The following DNAH11 variants were observed in gnomAD, a reference collection of about 807,000 sequenced individuals.
DNAH11 encodes dynein axonemal heavy chain 11.
DNAH11 carries 442 observed loss-of-function variants against 526.0 expected under a neutral mutation model. The observed-to-expected ratio is 0.84, with a 90% CI of 0.78 to 0.91. The LOEUF is 0.91. Ranked by LOEUF, DNAH11 falls within the 40% of genes least tolerant of loss-of-function variation. DNAH11 has a pLI of 0.00. For missense variants in DNAH11, 6,989 were observed against 5,448.7 expected, an observed-to-expected ratio of 1.28 and a Z score of -8.90; for synonymous variants, 2,461 against 1,935.9, an observed-to-expected ratio of 1.27 and a Z score of -7.12.
chr7:21,887,605 T>C (rs935621322), intron 76 of DNAH11, among the ~76,000 whole-genome samples: 2 of 152,216 alleles, frequency 1.3e-5, no homozygotes, highest in African/African-American at 4.8e-5. Context: ...ACAGGTTTGC[T>C]GTCAGGTTTA....
intron 65 of DNAH11, among the ~76,000 whole-genome samples, chr7:21,839,275 A>G (rs1050579254): frequency 1.3e-5 from 2 of 152,146 alleles, no homozygotes; most frequent in South Asian, 2.1e-4. Flanking sequence ...ATAAATCACT[A>G]TATTAAAAGT....
chr7:21,673,432 T>A (rs2128469927), intron 30 of DNAH11, among the ~76,000 whole-genome samples: 1 of 152,308 alleles, frequency 6.6e-6, no homozygotes, highest in East Asian at 1.9e-4. Flanking sequence ...CAGTCAGTGC[T>A]TTTATTATCT....
intron 66 of DNAH11, among the ~76,000 whole-genome samples, chr7:21,850,030 G>T (rs115561434): frequency 0.015 from 2,163 of 142,276 alleles, 63 homozygotes; most frequent in African/African-American, 0.053. Flanking sequence ...ACTGATTCTT[G>T]TCACTGTGTC....
Position 21,763,544 on chromosome 7 carries a change from C to T in DNAH11, c.8941-1884C>T, listed in dbSNP as rs148204114. ...CTGTGGAGAAATTGGAACCCTTGTA[C>T]ACTATTGGTGGGAATGTAAAATGCT... On this transcript the variant is annotated intron_variant, in intron 54 of 81. Transcript: ENST00000409508. Among the ~76,000 whole-genome samples the T allele has an allele frequency of 3.4e-3, 520 of 151,484 alleles. 4 individuals are homozygous for T. The highest frequency in any genetic ancestry group is 0.012 in the African/African-American group (499 of 41,284).
intron 31 of DNAH11, among the ~76,000 whole-genome samples, chr7:21,682,486 A>T (rs952984557): frequency 6.8e-6 from 1 of 146,438 alleles, no homozygotes; most frequent in Non-Finnish European, 1.5e-5. Flanking sequence ...AGATGGCGCC[A>T]CTGCACTCCA....
rs371332852 is a variant in DNAH11 at position 21,603,900 on chromosome 7, G to A, written c.3648+2282G>A. ...TTATATAAGTTTGGTTCACTCTTTC[G>A]GGTGATGGTAGTATTGAAAGCATTA... is the stretch of plus-strand genomic sequence containing the variant. On this transcript the variant is annotated intron_variant, in intron 18 of 81. Transcript: ENST00000409508. Among the ~76,000 whole-genome samples, 12 of 152,220 alleles carry A rather than the reference G, an allele frequency of 7.9e-5. No individual in the cohort carries two copies. In the East Asian group the frequency reaches 1.7e-3, roughly 22 times the overall value.
At chr7:21,895,167 T>G (rs991356029) in intron 79 of DNAH11, among the ~76,000 whole-genome samples, 168 bp downstream of exon 79, 2 of 152,216 alleles carry the variant, frequency 1.3e-5, no homozygotes, top group African/African-American at 4.8e-5. Flanking sequence ...CTTGGTATAT[T>G]GCATCAAAGG....
chr7:21,650,772 G>A (rs1048724562), intron 28 of DNAH11, among the ~76,000 whole-genome samples: 3 of 151,236 alleles, frequency 2.0e-5, no homozygotes, highest in South Asian at 4.2e-4. Context: ...CCAGAGTAGC[G>A]GGGATTACAG....
intron 28 of DNAH11, among the ~76,000 whole-genome samples, chr7:21,649,249 G>T (rs1169668075): frequency 1.3e-5 from 2 of 152,128 alleles, no homozygotes; most frequent in African/African-American, 4.8e-5. Flanking sequence ...TTCTAAATAG[G>T]AATATATCAT....
chr7:21,857,839 T>C (rs1342693066), intron 68 of DNAH11, among the ~76,000 whole-genome samples: 1 of 152,184 alleles, frequency 6.6e-6, no homozygotes, highest in Admixed American at 6.5e-5. Flanking sequence ...TTTATTAAGC[T>C]ATACATTTTC....
chr7:21,770,381 GACCCATT>G (rs1454348305), intron 55 of DNAH11, among the ~76,000 whole-genome samples: 3 of 152,172 alleles, frequency 2.0e-5, no homozygotes, highest in African/African-American at 4.8e-5. Context: ...TTTTGACTGT[GACCCATT>G]ACATGAGGTC....
chr7:21,685,354 T>C (rs1234614382), intron 32 of DNAH11, among the ~76,000 whole-genome samples: 1 of 152,170 alleles, frequency 6.6e-6, no homozygotes, highest in Non-Finnish European at 1.5e-5. Context: ...AAGTTTATCA[T>C]TATGTGAGGC....
Position 21,687,408 on chromosome 7 carries a change from G to A in DNAH11, c.5805G>A (p.Leu1935=). ...YKSIGNIYKG[L]VQTGAWGCFD... ...CCATAGGCAATATCTATAAGGGATT[G>A]GTGCAGACAGGAGCTTGGGGCTGCT... Residue 1935 remains leucine, a synonymous_variant, in exon 34 of 82, where the codon TTG becomes TTA. Coordinates refer to ENST00000409508, the MANE Select transcript of DNAH11 (RefSeq NM_001277115.2). 6.2e-7 allele frequency: 1 copy of A among 1,613,732 alleles called. No homozygotes were observed. The highest frequency in any genetic ancestry group is 8.5e-7 in the Non-Finnish European group (1 of 1,179,830).
chr7:21,644,471 T>C (rs987154128), intron 28 of DNAH11, among the ~76,000 whole-genome samples: 1 of 152,140 alleles, frequency 6.6e-6, no homozygotes, highest in Non-Finnish European at 1.5e-5. Context: ...TAAGAATGAA[T>C]GAGTTTTAGT....
In DNAH11 at chr7:21,589,432, A is replaced by T. The variant is rs777715592; in HGVS notation, c.2169+29A>T. The T allele has an allele frequency of 5.9e-6, 9 of 1,533,268 alleles. No homozygotes were observed. In the South Asian group the frequency reaches 7.3e-5, roughly 12 times the overall value. 95.0% of individuals were successfully genotyped at this position (1,533,268 alleles called of 1,614,324 possible). A position where few individuals can be genotyped will look rare whatever the true frequency, so the allele number is the denominator to read the frequency against. On this transcript the variant is annotated intron_variant, in intron 12 of 81. Coordinates refer to ENST00000409508, the MANE Select transcript of DNAH11 (RefSeq NM_001277115.2). ...GGGATTTGATTTTTTAAGATGATTT[A>T]TAAGTGCCCTTTTTATTATAAGCCT... is the stretch of plus-strand genomic sequence containing the variant.
chr7:21,862,665 A>G (rs1783110022), intron 69 of DNAH11, among the ~76,000 whole-genome samples: 1 of 152,238 alleles, frequency 6.6e-6, no homozygotes, highest in African/African-American at 2.4e-5. Flanking sequence ...TAAAATTAAG[A>G]AAATGACAGC....
intron 61 of DNAH11, among the ~76,000 whole-genome samples, chr7:21,792,196 C>G (rs1185797963): frequency 6.6e-6 from 1 of 151,988 alleles, no homozygotes; most frequent in East Asian, 1.9e-4. Flanking sequence ...GTTCTTTATT[C>G]TCTTAATGAG....
At chr7:21,708,561 G>A (rs906865389) in intron 40 of DNAH11, among the ~76,000 whole-genome samples, 1 of 152,142 alleles carries the variant, frequency 6.6e-6, no homozygotes, top group Non-Finnish European at 1.5e-5. Context: ...TTTCTAGTGG[G>A]TTCCAATCAC....
At chr7:21,769,934 C>T (rs2127976710) in intron 55 of DNAH11, among the ~76,000 whole-genome samples, 1 of 152,154 alleles carries the variant, frequency 6.6e-6, no homozygotes, top group South Asian at 2.1e-4. Context: ...TTGCCTCTGA[C>T]CAGTAGTTGA....
Sources: allele counts gnomAD v4.1 joint callset (sites outside exome capture counted in the v4.1 genomes callset), GRCh38; gene constraint gnomAD v4.1.1; transcripts MANE v1.5; gene names NCBI Gene and HGNC (gene_info 2026-07-23, HGNC 2026-07-21).